The following WNT10A variants were observed in gnomAD, a reference collection of about 807,000 sequenced individuals.
WNT10A encodes Wnt family member 10A.
WNT10A carries 37 observed loss-of-function variants against 36.1 expected under a neutral mutation model. That is an observed-to-expected ratio of 1.02 (90% CI 0.79 to 1.35). WNT10A has a LOEUF of 1.35. Ranked by LOEUF, WNT10A falls within the 40% of genes most tolerant of loss-of-function variation. The pLI, the probability that WNT10A is intolerant of heterozygous loss-of-function variation, is 0.00. For missense variants in WNT10A, 613 were observed against 601.4 expected (o/e 1.02, Z -0.20); for synonymous variants, 255 against 254.1 (o/e 1.00, Z -0.03).
Position 218,893,065 on chromosome 2 carries a change from C to T in WNT10A, c.1048C>T (p.Pro350Ser), listed in dbSNP as rs1944675806. 2 of 1,596,638 alleles carry T rather than the reference C, an allele frequency of 1.3e-6. No individual in the cohort carries two copies. The highest frequency in any genetic ancestry group is 1.7e-6 in the Non-Finnish European group (2 of 1,179,172). Residue 350 changes from proline to serine, a missense_variant, in exon 4 of 4, where the codon CCG becomes TCG. Transcript: ENST00000258411. This position sits in a 1 kb window ranked among gnomAD's most constrained non-coding sequence, Gnocchi z 6.3. Reference sequence around the variant, plus strand: ...GTCTCCCGACTTCTGCGAGCGCGAGCCGCGCCTGGACTCGGCGGGCACCGT... The same window carrying T: ...GTCTCCCGACTTCTGCGAGCGCGAGTCGCGCCTGGACTCGGCGGGCACCGT... ...EKSPDFCERE[P>S]RLDSAGTVGR...
In WNT10A at chr2:218,893,337, G is replaced by A. The variant is rs1199948897; in HGVS notation, c.*66G>A. 9.4e-6 allele frequency: 14 copies of A among 1,497,164 alleles called. No individual in the cohort carries two copies. Among genetic ancestry groups the A allele is most frequent in the African/African-American group, 1.4e-5 (1 of 71,428 alleles). 92.7% of individuals were successfully genotyped at this position (1,497,164 alleles called of 1,614,324 possible). Reference sequence around the variant, plus strand: ...TGGAGCCTGGCCCTCTGAGGCTTACGGTCTTGGCAAGGCAGCATCGCCTTG... The same window carrying A: ...TGGAGCCTGGCCCTCTGAGGCTTACAGTCTTGGCAAGGCAGCATCGCCTTG... On this transcript the variant is annotated 3_prime_UTR_variant, in exon 4 of 4. Transcript: ENST00000258411. The surrounding 1 kb of genome is among the most constrained non-coding windows in gnomAD (Gnocchi z 6.3).
upstream of WNT10A, among the ~76,000 whole-genome samples, chr2:218,879,090 AC>A (rs1944480399): frequency 1.1e-3 from 26 of 23,160 alleles, no homozygotes; most frequent in Admixed American, 3.9e-4. Context: ...CCCCACCCCC[AC>A]CCCCAGCAGC....
the WNT10A span, among the ~76,000 whole-genome samples, chr2:218,874,746 T>C: frequency 6.6e-6 from 1 of 152,150 alleles, no homozygotes; most frequent in Non-Finnish European, 1.5e-5. Flanking sequence ...AAAATGAGCT[T>C]TGGGGTCAGA....
Position 218,882,317 on chromosome 2 carries a change from G to A in WNT10A, c.270G>A (p.Gln90=), listed in dbSNP as rs1364097431. Reference sequence around the variant, plus strand: ...CTGCCTCAGCCATACAGGGCATCCAGATCGCCATCCACGAATGCCAACACC... The same window carrying A: ...CTGCCTCAGCCATACAGGGCATCCAAATCGCCATCCACGAATGCCAACACC... ...DVAASAIQGI[Q]IAIHECQHQF... The change falls in exon 2 of 4, where the codon CAG becomes CAA. Residue 90 remains glutamine, a synonymous_variant. Coordinates refer to ENST00000258411, the MANE Select transcript of WNT10A (RefSeq NM_025216.3). The A allele has an allele frequency of 6.2e-7, 1 of 1,614,174 alleles. No individual in the cohort carries two copies. The highest frequency in any genetic ancestry group is 1.1e-5 in the South Asian group (1 of 91,082).
chr2:218,874,658 G>A, the WNT10A span, among the ~76,000 whole-genome samples: 2 of 152,108 alleles, frequency 1.3e-5, no homozygotes, highest in Admixed American at 6.6e-5. Flanking sequence ...CCAACTTCCA[G>A]GACCCAGAGC....
chr2:218,880,831 T>C (rs920159031), upstream of WNT10A: 2 of 716,708 alleles, frequency 2.8e-6, no homozygotes, highest in East Asian at 3.3e-5. This position sits in a 1 kb window ranked among gnomAD's most constrained non-coding sequence, Gnocchi z 7.7. Context: ...TGCTGCCCCA[T>C]GGAGCGGGGA....
At position 218,890,075 on chromosome 2, in the gene WNT10A, C is replaced by A. The variant is rs754608071; in HGVS notation, c.468C>A (p.Ala156=). The change falls in exon 3 of 4, where the codon GCC becomes GCA. Residue 156 remains alanine, a synonymous_variant. Coordinates refer to ENST00000258411, the MANE Select transcript of WNT10A (RefSeq NM_025216.3). The part of the protein sequence containing the change: ...SNACALGKLK[A]CGCDASRRGD... The stretch of plus-strand genomic sequence containing the variant: ...CGTGTGCCCTGGGCAAACTGAAGGC[C>A]TGTGGCTGTGATGCGTCCCGGCGAG... 1 of 1,614,156 alleles carries A rather than the reference C, an allele frequency of 6.2e-7. No homozygotes were observed. Among genetic ancestry groups the A allele is most frequent in the South Asian group, 1.1e-5 (1 of 91,080 alleles).
chr2:218,883,350 G>A (rs1196517421), intron 2 of WNT10A, among the ~76,000 whole-genome samples: 2 of 152,162 alleles, frequency 1.3e-5, no homozygotes, highest in Non-Finnish European at 2.9e-5. Flanking sequence ...GGTGGAGTGG[G>A]AGAGGTACAC....
Position 218,893,331 on chromosome 2 carries a change from G to T in WNT10A, c.*60G>T. On this transcript the variant is annotated 3_prime_UTR_variant, in exon 4 of 4. Transcript: ENST00000258411. The surrounding 1 kb of genome is among the most constrained non-coding windows in gnomAD (Gnocchi z 6.3). ...CCCTCCTGGAGCCTGGCCCTCTGAGGCTTACGGTCTTGGCAAGGCAGCATC... is the reference window on the plus strand; with the variant it reads ...CCCTCCTGGAGCCTGGCCCTCTGAGTCTTACGGTCTTGGCAAGGCAGCATC... 6.6e-7 allele frequency: 1 copy of T among 1,506,504 alleles called. No individual in the cohort carries two copies. The highest frequency in any genetic ancestry group is 1.2e-5 in the South Asian group (1 of 81,918). 93.3% of individuals were successfully genotyped at this position (1,506,504 alleles called of 1,614,324 possible). A position where few individuals can be genotyped will look rare whatever the true frequency, so the allele number is the denominator to read the frequency against.
At chr2:218,882,599 A>G (rs1167597283) in intron 2 of WNT10A, among the ~76,000 whole-genome samples, 176 bp downstream of exon 2, 1 of 152,076 alleles carries the variant, frequency 6.6e-6, no homozygotes, top group East Asian at 1.9e-4. Flanking sequence ...GGGGGCAGAG[A>G]AATTGGGCAA....
chr2:218,875,334 G>A, the WNT10A span, among the ~76,000 whole-genome samples: 6 of 151,020 alleles, frequency 4.0e-5, no homozygotes, highest in African/African-American at 7.3e-5. Flanking sequence ...GACTACAGGC[G>A]CCCACCACCA....
At chr2:218,887,436 C>T (rs1944591545) in intron 2 of WNT10A, among the ~76,000 whole-genome samples, 1 of 152,140 alleles carries the variant, frequency 6.6e-6, no homozygotes, top group Non-Finnish European at 1.5e-5. Context: ...TTCCCAGGAG[C>T]TTGGTTCCAT....
At chr2:218,891,590 C>A (rs1053480759) in intron 3 of WNT10A, among the ~76,000 whole-genome samples, 7 of 152,216 alleles carry the variant, frequency 4.6e-5, no homozygotes, top group Non-Finnish European at 7.3e-5. Flanking sequence ...GCCTCACCGC[C>A]ATCCCAGCCC....
At chr2:218,890,833 G>A (rs949316960) in intron 3 of WNT10A, among the ~76,000 whole-genome samples, 1 of 152,194 alleles carries the variant, frequency 6.6e-6, no homozygotes, top group Admixed American at 6.5e-5. Flanking sequence ...TTCCTGCAAA[G>A]TAAGGGGTGT....
chr2:218,881,446 C>T (rs1259132672), intron 1 of WNT10A, among the ~76,000 whole-genome samples: 1 of 152,112 alleles, frequency 6.6e-6, no homozygotes. Flanking sequence ...CTGCCTCACT[C>T]CTTCCTGCAG....
chr2:218,887,408 G>A (rs544626867), intron 2 of WNT10A, among the ~76,000 whole-genome samples: 1 of 152,216 alleles, frequency 6.6e-6, no homozygotes, highest in East Asian at 1.9e-4. Flanking sequence ...AAAGGCAAGG[G>A]ATAAATGCAG....
chr2:218,890,557 A>T (rs1025352377), intron 3 of WNT10A, among the ~76,000 whole-genome samples, 194 bp downstream of exon 3: 1 of 152,170 alleles, frequency 6.6e-6, no homozygotes, highest in African/African-American at 2.4e-5. Flanking sequence ...AGGCCTGGGG[A>T]TACAGGGCAG....
upstream of WNT10A, among the ~76,000 whole-genome samples, chr2:218,880,141 C>T (rs1193555487): frequency 6.6e-6 from 1 of 152,184 alleles, no homozygotes; most frequent in African/African-American, 2.4e-5. The surrounding 1 kb of genome is among the most constrained non-coding windows in gnomAD (Gnocchi z 7.7). Flanking sequence ...GGGGAAGTCC[C>T]TCCTCTGGCG....
chr2:218,878,913 T>C (rs1353643659), upstream of WNT10A, among the ~76,000 whole-genome samples: 1 of 152,154 alleles, frequency 6.6e-6, no homozygotes, highest in Non-Finnish European at 1.5e-5. The surrounding 1 kb of genome is among the most constrained non-coding windows in gnomAD (Gnocchi z 4.1). Flanking sequence ...CCTTACCGCT[T>C]ACCCTTCCCA....
Sources: allele counts gnomAD v4.1 joint callset (sites outside exome capture counted in the v4.1 genomes callset), GRCh38; gene constraint gnomAD v4.1.1; non-coding constraint Gnocchi (gnomAD v3.1); transcripts MANE v1.5; gene names NCBI Gene and HGNC (gene_info 2026-07-23, HGNC 2026-07-21).